TLN1: variants seen among roughly 807,000 people sequenced by gnomAD.
The protein encoded by TLN1 is talin-1.
In TLN1, 56 loss-of-function variants were observed where a neutral mutation model predicts 292.3. That is an observed-to-expected ratio of 0.19 (90% CI 0.15 to 0.24). TLN1 has a LOEUF of 0.24. Ranked by LOEUF, TLN1 falls within the 10% of genes least tolerant of loss-of-function variation. The pLI is 1.00. For synonymous variants in TLN1, 1,119 were observed against 1,253.7 expected (o/e 0.89, Z 2.27); for missense variants, 2,433 against 3,248.2 (o/e 0.75, Z 6.10).
In TLN1 at chr9:35,703,602, C is replaced by T; in HGVS notation, c.6432G>A (p.Arg2144=). The change falls in exon 48 of 57, where the codon CGG becomes CGA. Residue 2144 remains arginine (R), a synonymous_variant. Coordinates refer to ENST00000314888, the MANE Select transcript of TLN1 (RefSeq NM_006289.4). ...TGTGTTCTGTGGTTGCCTCCAGGGC[C>T]CGAGTGCCTTTGGTGGCCTCATCTT... The part of the protein sequence containing the change: ...AVEDEATKGT[R]ALEATTEHIR... The T allele has an allele frequency of 1.9e-6, 3 of 1,614,170 alleles. No individual in the cohort carries two copies. The highest frequency in any genetic ancestry group is 2.5e-6 in the Non-Finnish European group (3 of 1,180,036).
chr9:35,725,389 T>C, intron 2 of TLN1, 68 bp from the exon 3 acceptor site: 1 of 1,563,408 alleles, frequency 6.4e-7, no homozygotes, highest in African/African-American at 1.4e-5. Context: ...TTGTACCATG[T>C]TGCCCCTGAC....
In TLN1 at chr9:35,699,944, G is replaced by T. The variant is rs1825433955; in HGVS notation, c.6768+30C>A. 1.9e-6 allele frequency: 3 copies of T among 1,586,740 alleles called. No homozygotes were observed. The highest frequency in any genetic ancestry group is 3.4e-4 in the Middle Eastern group (2 of 5,866). On this transcript the variant is annotated intron_variant, in intron 50 of 56. Coordinates refer to ENST00000314888, the MANE Select transcript of TLN1 (RefSeq NM_006289.4). This position sits in a 1 kb window ranked among gnomAD's most constrained non-coding sequence, Gnocchi z 4.0. ...GAGGGCTGTGTATTCAGGGAGGCTGGTATGAGGAACAAGCAACGCCCTCCC... is the reference window on the plus strand; with the variant it reads ...GAGGGCTGTGTATTCAGGGAGGCTGTTATGAGGAACAAGCAACGCCCTCCC...
intron 1 of TLN1, among the ~76,000 whole-genome samples, chr9:35,727,797 C>G (rs1026283080): frequency 8.5e-5 from 13 of 152,150 alleles, no homozygotes; most frequent in Admixed American, 1.3e-4. Flanking sequence ...TTAGACACCC[C>G]CTTCCTCCTC....
At position 35,704,493 on chromosome 9, in the gene TLN1, G is replaced by T. The variant is rs760261522; in HGVS notation, c.5886C>A (p.Ser1962=). 19 of 1,608,224 alleles carry T rather than the reference G, an allele frequency of 1.2e-5. No homozygotes were observed. The highest frequency in any genetic ancestry group is 1.4e-5 in the Non-Finnish European group (16 of 1,176,730). The part of the protein sequence containing the change: ...ECARRVSEKV[S]HVLAALQAGN... ...CAGCCTGGAGCGCAGCCAGGACGTG[G>T]GAGACCTGGGTAGGGAATGTCACAT... The change falls in exon 45 of 57, where the codon TCC becomes TCA. Residue 1962 remains serine (S), a synonymous_variant. Transcript: ENST00000314888. This position sits in a 1 kb window ranked among gnomAD's most constrained non-coding sequence, Gnocchi z 6.9.
In TLN1 at chr9:35,724,572, A is replaced by T. The variant is rs777131457; in HGVS notation, c.511T>A (p.Leu171Met). Residue 171 changes from leucine (L) to methionine (M), a missense_variant and splice_region_variant, in exon 5 of 57, where the codon TTG (leucine) becomes ATG (methionine). Leu to Met is a conservative substitution (Grantham distance 15). Coordinates refer to ENST00000314888, the MANE Select transcript of TLN1 (RefSeq NM_006289.4). The surrounding 1 kb of genome is among the most constrained non-coding windows in gnomAD (Gnocchi z 4.7). ...LKQKLHTDDE[L>M]NWLDHGRTLR... ...CCCTCTTTTTTCTAGTTCTGCTTAC[A>T]CTCATCATCTGTGTGCAATTTCTGC... 1.2e-6 allele frequency: 2 copies of T among 1,612,956 alleles called. No individual in the cohort carries two copies. The highest frequency in any genetic ancestry group is 1.3e-5 in the African/African-American group (1 of 74,684).
chr9:35,712,860 G>C lies in TLN1; in HGVS notation c.3536C>G (p.Pro1179Arg). ...AKKAAGHPGD[P>R]ESQQRLAQVA... is the part of the protein sequence containing the mutation. ...CTGGGCAAGCCGCTGCTGGCTCTCA[G>C]GGTCCCCTGGATGGCCAGCTGCCTT... The change falls in exon 27 of 57, where the codon CCT becomes CGT. Residue 1179 changes from proline to arginine, a missense_variant. Physicochemically the swap from Pro to Arg is moderately radical, Grantham distance 103 (BLOSUM62 -2). Around this residue, in one of 7 missense-constraint regions of TLN1, gnomAD observed 1,384 missense variants for 1,699.6 expected, o/e 0.81. Coordinates refer to ENST00000314888, the MANE Select transcript of TLN1 (RefSeq NM_006289.4). The C allele has an allele frequency of 1.3e-6, 2 of 1,589,672 alleles. No individual in the cohort carries two copies. The highest frequency in any genetic ancestry group is 1.1e-5 in the South Asian group (1 of 87,876).
Position 35,725,736 on chromosome 9 carries a change from T to C in TLN1, c.-33-9A>G. 1 of 1,608,490 alleles carries C rather than the reference T, an allele frequency of 6.2e-7. No homozygotes were observed. The highest frequency in any genetic ancestry group is 8.5e-7 in the Non-Finnish European group (1 of 1,177,238). On this transcript the variant is annotated splice_polypyrimidine_tract_variant and intron_variant, in intron 1 of 56. Coordinates refer to ENST00000314888, the MANE Select transcript of TLN1 (RefSeq NM_006289.4). The stretch of plus-strand genomic sequence containing the variant: ...CTCCAGCCTGGCTATACCTGACCCA[T>C]GGCATCAGGGCATTAGAATACACTC...
Position 35,705,848 on chromosome 9 carries a change from C to T in TLN1, c.5515G>A (p.Asp1839Asn). 6.2e-7 allele frequency: 1 copy of T among 1,614,222 alleles called. No homozygotes were observed. Among genetic ancestry groups the T allele is most frequent in the Non-Finnish European group, 8.5e-7 (1 of 1,180,042 alleles). ...TCTGGTTCACCCATTGGTCCTTCAT[C>T]TAGCTGAGGGGGGAGGATAGGGAAA... ...DSITQAINQL[D>N]EGPMGEPEGS... The change falls in exon 42 of 57, where the codon GAT becomes AAT. Residue 1839 changes from aspartate to asparagine, a missense_variant. Asp to Asn is a conservative substitution (Grantham distance 23, BLOSUM62 1). Around this residue, in one of 7 missense-constraint regions of TLN1, gnomAD observed 1,384 missense variants for 1,699.6 expected, o/e 0.81. Transcript: ENST00000314888.
rs780638792 is a variant in TLN1, at chr9:35,723,933, T to G, written c.782+19A>C. The G allele has an allele frequency of 6.8e-6, 11 of 1,613,682 alleles. No individual in the cohort carries two copies. The African/African-American group carries it at 9.3e-5, about 14-fold the overall frequency. On this transcript the variant is annotated intron_variant, in intron 7 of 56. Transcript: ENST00000314888. ...GGGAGTCCTGGGCCCTGACAGGGTATAGGATGTGGGTCACTCACTCAAGGA... is the reference window on the plus strand; with the variant it reads ...GGGAGTCCTGGGCCCTGACAGGGTAGAGGATGTGGGTCACTCACTCAAGGA...
chr9:35,714,801 C>A lies in TLN1; in HGVS notation c.2830G>T (p.Ala944Ser). The change falls in exon 22 of 57, where the codon GCC (alanine) becomes TCC (serine). Residue 944 changes from alanine to serine, a missense_variant. Around this residue, in one of 7 missense-constraint regions of TLN1, gnomAD observed 617 missense variants for 770.6 expected, o/e 0.80. Transcript: ENST00000314888. The surrounding 1 kb of genome is among the most constrained non-coding windows in gnomAD (Gnocchi z 4.6). ...AAQHAASTPK[A>S]SAGPQPLLVQ... Reference sequence around the variant, plus strand: ...AGCAGGGGCTGGGGGCCGGCAGAGGCCTTGGGGGTAGAGGCTGCGTGCTGA... The same window carrying A: ...AGCAGGGGCTGGGGGCCGGCAGAGGACTTGGGGGTAGAGGCTGCGTGCTGA... 1 of 1,581,846 alleles carries A rather than the reference C, an allele frequency of 6.3e-7. No individual in the cohort carries two copies. Among genetic ancestry groups the A allele is most frequent in the Non-Finnish European group, 8.6e-7 (1 of 1,163,824 alleles).
rs750965317 is a variant in TLN1, at chr9:35,700,021, G to A, written c.6721C>T (p.Arg2241Trp). ...DVRLRALHYG[R>W]ECANGYLELL... ...TCCAGGTAGCCATTGGCACACTCCC[G>A]GCCATAGTGCAGGGCTCGAAGCCGC... Residue 2241 changes from arginine (R) to tryptophan (W), a missense_variant, in exon 50 of 57, where the codon CGG becomes TGG. By Grantham distance (101) the Arg-to-Trp change is moderately radical. This residue lies in a region of TLN1 where 1,384 missense variants were observed against 1,699.6 expected (regional missense o/e 0.81). Transcript: ENST00000314888. 13 of 1,613,456 alleles carry A rather than the reference G, an allele frequency of 8.1e-6. No homozygotes were observed. Among genetic ancestry groups the A allele is most frequent in the East Asian group, 2.2e-5 (1 of 44,866 alleles).
rs1272933392 is a variant in TLN1, at chr9:35,699,123, A to T, written c.6908T>A (p.Val2303Asp). The T allele has an allele frequency of 1.9e-6, 3 of 1,613,370 alleles. No homozygotes were observed. The African/African-American group carries it at 4.0e-5, about 22-fold the overall frequency. ...TCCCAGGAGCTCATTCTCAGCAATG[A>T]CTGTGGGGTCCTCTGGGTCTACCCA... ...TEWVDPEDPT[V>D]IAENELLGAA... The change falls in exon 52 of 57, where the codon GTC becomes GAC. Residue 2303 changes from valine (V) to aspartate (D), a missense_variant. Val to Asp is a radical substitution (Grantham distance 152). This residue lies in a region of TLN1 where 1,384 missense variants were observed against 1,699.6 expected (regional missense o/e 0.81). Transcript: ENST00000314888. The surrounding 1 kb of genome is among the most constrained non-coding windows in gnomAD (Gnocchi z 4.0).
At chr9:35,709,679 G>A (rs2131890035) in intron 33 of TLN1, among the ~76,000 whole-genome samples, 1 of 149,710 alleles carries the variant, frequency 6.7e-6, no homozygotes, top group Non-Finnish European at 1.5e-5. Flanking sequence ...ACGAGGTCAG[G>A]AGATCGAGAC....
rs1563943311 is a variant in TLN1 at position 35,713,824 on chromosome 9, A to G, written c.3249+129T>C. 5 of 997,136 alleles carry G rather than the reference A, an allele frequency of 5.0e-6. No individual in the cohort carries two copies. The Admixed American group carries it at 1.5e-4, about 30-fold the overall frequency. The allele number at this position is 997,136 out of a possible 1,614,324, so 61.8% of individuals were successfully genotyped here. A position where few individuals can be genotyped will look rare whatever the true frequency, so the allele number is the denominator to read the frequency against. On this transcript the variant is annotated intron_variant, in intron 25 of 56. Transcript: ENST00000314888. Reference sequence around the variant, plus strand: ...AGAAAAAAGGAAGGAAGAAGAAAGAAAAGAAAAATAAAAGAGAGAAAGAGA... The same window carrying G: ...AGAAAAAAGGAAGGAAGAAGAAAGAGAAGAAAAATAAAAGAGAGAAAGAGA...
In TLN1 at chr9:35,703,615, G is replaced by A. The variant is rs1440608491; in HGVS notation, c.6419C>T (p.Thr2140Ile). The part of the protein sequence containing the change: ...KTVKAVEDEA[T>I]KGTRALEATT... ...TGCCTCCAGGGCCCGAGTGCCTTTG[G>A]TGGCCTCATCTTCCACGGCTTTTAC... is the stretch of plus-strand genomic sequence containing the variant. The change falls in exon 48 of 57, where the codon ACC (threonine) becomes ATC (isoleucine). Residue 2140 changes from threonine (T) to isoleucine (I), a missense_variant. This residue lies in a region of TLN1 where 1,384 missense variants were observed against 1,699.6 expected (regional missense o/e 0.81). Coordinates refer to ENST00000314888, the MANE Select transcript of TLN1 (RefSeq NM_006289.4). The A allele has an allele frequency of 6.2e-7, 1 of 1,614,198 alleles. No individual in the cohort carries two copies. The highest frequency in any genetic ancestry group is 1.1e-5 in the South Asian group (1 of 91,080).
chr9:35,699,593 G>A lies in TLN1; in HGVS notation c.6769-132C>T, dbSNP rs763308365. The stretch of plus-strand genomic sequence containing the variant: ...CCACACCATAGCCCTCAAACTCCAC[G>A]CTGCCTATCCAAGTACACATCATGC... On this transcript the variant is annotated intron_variant, in intron 50 of 56. Coordinates refer to ENST00000314888, the MANE Select transcript of TLN1 (RefSeq NM_006289.4). The surrounding 1 kb of genome is among the most constrained non-coding windows in gnomAD (Gnocchi z 4.0). The A allele has an allele frequency of 1.2e-5, 17 of 1,429,050 alleles. No individual in the cohort carries two copies. Among genetic ancestry groups the A allele is most frequent in the Admixed American group, 6.0e-5 (2 of 33,364 alleles). 88.5% of individuals were successfully genotyped at this position (1,429,050 alleles called of 1,614,324 possible).
rs1885374 is a variant in TLN1 at position 35,697,084 on chromosome 9, C to A, written c.*707G>T. Reference sequence around the variant, plus strand: ...GTGGTAGCTGCTGTCCCAGCAGCAGCAGAACGACACTTTGTGAGGCTTAGG... The same window carrying A: ...GTGGTAGCTGCTGTCCCAGCAGCAGAAGAACGACACTTTGTGAGGCTTAGG... On this transcript the variant is annotated 3_prime_UTR_variant, in exon 57 of 57. Transcript: ENST00000314888. 141,579 of 152,256 alleles carry A rather than the reference C, an allele frequency of 0.93. 66,252 individuals are homozygous for A. Among genetic ancestry groups the A allele is most frequent in the Non-Finnish European group, 0.98 (66,866 of 68,058 alleles). The allele number at this position is 152,256 out of a possible 1,614,324, so 9.4% of individuals were successfully genotyped here. A position where few individuals can be genotyped will look rare whatever the true frequency, so the allele number is the denominator to read the frequency against.
chr9:35,704,109 G>A lies in TLN1; in HGVS notation c.6113C>T (p.Ala2038Val). 4 of 1,613,452 alleles carry A rather than the reference G, an allele frequency of 2.5e-6. No individual in the cohort carries two copies. Among genetic ancestry groups the A allele is most frequent in the Non-Finnish European group, 2.5e-6 (3 of 1,179,788 alleles). Reference sequence around the variant, plus strand: ...CTGCGCCAACTTCTCCTGGCTCCCAGCTGCGTTTTGCACCAGGACCTTGGT... The same window carrying A: ...CTGCGCCAACTTCTCCTGGCTCCCAACTGCGTTTTGCACCAGGACCTTGGT... ...EDTKVLVQNA[A>V]GSQEKLAQAA... The change falls in exon 46 of 57, where the codon GCT becomes GTT. Residue 2038 changes from alanine (A) to valine (V), a missense_variant. Physicochemically the swap from Ala to Val is moderately conservative, Grantham distance 64. Coordinates refer to ENST00000314888, the MANE Select transcript of TLN1 (RefSeq NM_006289.4). This position sits in a 1 kb window ranked among gnomAD's most constrained non-coding sequence, Gnocchi z 6.9.
chr9:35,717,891 G>A lies in TLN1; in HGVS notation c.1996-105C>T. 7.2e-7 allele frequency: 1 copy of A among 1,385,668 alleles called. No homozygotes were observed. Among genetic ancestry groups the A allele is most frequent in the Non-Finnish European group, 9.8e-7 (1 of 1,020,800 alleles). The allele number at this position is 1,385,668 out of a possible 1,614,324, so 85.8% of individuals were successfully genotyped here. A position where few individuals can be genotyped will look rare whatever the true frequency, so the allele number is the denominator to read the frequency against. On this transcript the variant is annotated intron_variant, in intron 17 of 56. Coordinates refer to ENST00000314888, the MANE Select transcript of TLN1 (RefSeq NM_006289.4). This position sits in a 1 kb window ranked among gnomAD's most constrained non-coding sequence, Gnocchi z 4.7. ...ATTATTCCCACTGATCCAATCAAAG[G>A]AGAGTGTACGCAGAAGCAACCAGAA...
Sources: gnomAD v4.1 joint callset for allele counts (sites outside exome capture counted in the v4.1 genomes callset) on GRCh38, gnomAD v4.1.1 for gene constraint, gnomAD v4.1.1 regional missense constraint, Gnocchi (gnomAD v3.1) non-coding constraint, MANE v1.5 for transcripts, NCBI Gene and HGNC (gene_info 2026-07-23, HGNC 2026-07-21) for gene names.